Variants in OTOA observed in about 807,000 individuals in gnomAD.
OTOA encodes cancer/testis antigen 108.
A neutral mutation model predicts 110.8 loss-of-function variants in OTOA; 70 were observed. The ratio of observed to expected loss-of-function variants is 0.63; its 90% CI spans 0.52 to 0.77. The LOEUF is 0.77. OTOA is among the 30% of genes least tolerant of loss of function. The pLI is 0.00. For synonymous variants in OTOA, 373 were observed against 431.5 expected (o/e 0.86, Z 1.68); for missense variants, 917 against 1,075.8 (o/e 0.85, Z 2.06).
chr16:21,672,495 T>C (rs1480095214), intron 1 of OTOA, among the ~76,000 whole-genome samples: 1 of 151,832 alleles, frequency 6.6e-6, no homozygotes, highest in Non-Finnish European at 1.5e-5. Context: ...TGGTGGCGCA[T>C]GCCTGTTATC....
At chr16:21,750,183 A>G (rs201272629) in intron 24 of OTOA, among the ~76,000 whole-genome samples, 3,758 of 150,754 alleles carry the variant, frequency 0.025, no homozygotes, top group East Asian at 0.24. Context: ...GGGAGGCTGA[A>G]ACGGGCAGAT....
chr16:21,724,970 G>A (rs1898869452), intron 18 of OTOA, among the ~76,000 whole-genome samples: 1 of 151,908 alleles, frequency 6.6e-6, no homozygotes, highest in Non-Finnish European at 1.5e-5. Flanking sequence ...TAGAGACAGG[G>A]TTTCACCGTG....
rs1167205734 is a variant in OTOA at position 21,719,137 on chromosome 16, T to C, written c.1634T>C (p.Leu545Pro). The change falls in exon 16 of 29, where the codon CTG (leucine) becomes CCG (proline). Residue 545 changes from leucine to proline, a missense_variant. Physicochemically the swap from Leu to Pro is moderately conservative, Grantham distance 98. Coordinates refer to ENST00000646100, the MANE Select transcript of OTOA (RefSeq NM_144672.4). ...KDKELGRSQA[L>P]FLYELLLKTT... The stretch of plus-strand genomic sequence containing the variant: ...ACGATCATTCTCTTCTCGCAGGCTC[T>C]GTTCCTGTATGAGCTTCTGTTAAAG... 1 of 1,613,826 alleles carries C rather than the reference T, an allele frequency of 6.2e-7. No individual in the cohort carries two copies. The highest frequency in any genetic ancestry group is 1.1e-5 in the South Asian group (1 of 91,070).
At chr16:21,707,906 G>A (rs912452227) in intron 12 of OTOA, among the ~76,000 whole-genome samples, 1 of 150,814 alleles carries the variant, frequency 6.6e-6, no homozygotes. Context: ...GCAATTCTCT[G>A]CCTCAGCCTC....
chr16:21,684,626 G>T, intron 6 of OTOA: 1 of 1,225,596 alleles, frequency 8.2e-7, no homozygotes, highest in Non-Finnish European at 1.2e-6. Flanking sequence ...CCCTTGGCTT[G>T]CCAATTATTG....
In OTOA at chr16:21,715,116, C is replaced by T. The variant is rs1440067861; in HGVS notation, c.1452C>T (p.Asp484=). The T allele has an allele frequency of 6.2e-7, 1 of 1,614,218 alleles. No individual in the cohort carries two copies. Among genetic ancestry groups the T allele is most frequent in the South Asian group, 1.1e-5 (1 of 91,088 alleles). ...LRSAVSQYVS[D]LSPAQQQGIL... ...GTGCCGTCTCCCAGTATGTATCCGACTTGTCACCTGCCCAGCAGCAAGGTA... is the reference window on the plus strand; with the variant it reads ...GTGCCGTCTCCCAGTATGTATCCGATTTGTCACCTGCCCAGCAGCAAGGTA... Residue 484 remains aspartate (D), a synonymous_variant, in exon 14 of 29, where the codon GAC becomes GAT. Coordinates refer to ENST00000646100, the MANE Select transcript of OTOA (RefSeq NM_144672.4).
chr16:21,678,363 G>T (rs891939050), intron 1 of OTOA, 148 bp from the exon 2 acceptor site: 26 of 512,468 alleles, frequency 5.1e-5, no homozygotes, highest in Non-Finnish European at 3.3e-6. Context: ...AGACTTCAAG[G>T]GATTCTGGGT....
intron 27 of OTOA, among the ~76,000 whole-genome samples, chr16:21,756,859 G>A (rs1408001277): frequency 3.4e-5 from 5 of 145,656 alleles, no homozygotes; most frequent in African/African-American, 5.1e-5. Flanking sequence ...CAAGTCTGCC[G>A]GCTTTCCATT....
intron 9 of OTOA, among the ~76,000 whole-genome samples, chr16:21,695,891 ATTTT>A (rs386384450): frequency 1.9e-4 from 8 of 41,894 alleles, no homozygotes; most frequent in Non-Finnish European, 3.0e-4. Flanking sequence ...ATATATATAT[ATTTT>A]TTTTTTTTTT....
chr16:21,681,637 C>G, intron 5 of OTOA, 101 bp from the exon 6 acceptor site: 2 of 919,752 alleles, frequency 2.2e-6, no homozygotes, highest in South Asian at 2.7e-5. Flanking sequence ...TCCTAACACC[C>G]CTGGTCCATC....
chr16:21,708,876 G>A (rs1453064849), intron 12 of OTOA, among the ~76,000 whole-genome samples: 1 of 152,064 alleles, frequency 6.6e-6, no homozygotes, highest in Non-Finnish European at 1.5e-5. Flanking sequence ...CAGCTGTAAC[G>A]CACACTTTAC....
intron 7 of OTOA, among the ~76,000 whole-genome samples, chr16:21,686,624 G>T (rs982394236): frequency 6.6e-6 from 1 of 152,078 alleles, no homozygotes; most frequent in Non-Finnish European, 1.5e-5. Context: ...CCCCAGATGG[G>T]CTGGGCATGG....
chr16:21,698,243 C>T (rs1897984180), intron 10 of OTOA, among the ~76,000 whole-genome samples: 1 of 152,150 alleles, frequency 6.6e-6, no homozygotes, highest in Non-Finnish European at 1.5e-5. Flanking sequence ...TCCTTGGGAT[C>T]ATGAACTCAA....
At chr16:21,712,279 G>A (rs1290286594) in intron 13 of OTOA, among the ~76,000 whole-genome samples, 1 of 151,750 alleles carries the variant, frequency 6.6e-6, no homozygotes, top group Admixed American at 6.6e-5. Flanking sequence ...GCAGTGAGCC[G>A]AGATCATGCC....
At chr16:21,717,164 G>C (rs1898582463) in intron 15 of OTOA, 117 bp downstream of exon 15, 1 of 1,420,620 alleles carries the variant, frequency 7.0e-7, no homozygotes, top group African/African-American at 1.4e-5. Flanking sequence ...GATTAGTATA[G>C]GAGGCAGAAT....
rs1328560043 is a variant in OTOA, at chr16:21,726,597, A to T, written c.1955A>T (p.Asp652Val). The change falls in exon 19 of 29, where the codon GAC becomes GTC. Residue 652 changes from aspartate to valine, a missense_variant. Around this residue, in one of 6 missense-constraint regions of OTOA, gnomAD observed 840 missense variants for 910.2 expected, o/e 0.92. Transcript: ENST00000646100. The part of the protein sequence containing the change: ...FLISLGKSWL[D>V]SLVLDSHKKT... ...ATCAGCCTGGGGAAGAGCTGGTTGG[A>T]CTCCTTGGTTTTAGATTCCCACAAA... The T allele has an allele frequency of 1.2e-6, 2 of 1,613,556 alleles. No homozygotes were observed. The highest frequency in any genetic ancestry group is 1.1e-5 in the South Asian group (1 of 91,054).
At chr16:21,719,233 CA>C (rs1898650340) in intron 16 of OTOA, 42 bp downstream of exon 16, 1 of 1,609,864 alleles carries the variant, frequency 6.2e-7, no homozygotes, top group East Asian at 2.2e-5. Flanking sequence ...ACAGGCCTTT[CA>C]GAGCCTTCTG....
chr16:21,672,705 G>A (rs1003665263), intron 1 of OTOA, among the ~76,000 whole-genome samples: 4 of 151,794 alleles, frequency 2.6e-5, no homozygotes, highest in Non-Finnish European at 5.9e-5. Context: ...ATAATGTATG[G>A]TGATCAGTCA....
Position 21,695,866 on chromosome 16 carries a change from G to GATATATATATAT in OTOA, c.740-1894_740-1883dup, listed in dbSNP as rs71151648. Among the ~76,000 whole-genome samples, 157 of 72,660 alleles carry GATATATATATAT rather than the reference G, an allele frequency of 2.2e-3. 5 individuals are homozygous for GATATATATATAT. The highest frequency in any genetic ancestry group is 2.5e-3 in the East Asian group (5 of 2,012). 47.7% of individuals were successfully genotyped at this position (72,660 alleles called of 152,430 possible). A position where few individuals can be genotyped will look rare whatever the true frequency, so the allele number is the denominator to read the frequency against. ...ACTTGAAGTCTGATCCTAGACTTGA[G>GATATATATATAT]ATATATATATATATATATATATATA... On this transcript the variant is annotated intron_variant, in intron 9 of 28. Coordinates refer to ENST00000646100, the MANE Select transcript of OTOA (RefSeq NM_144672.4).
Sources: allele counts gnomAD v4.1 joint callset (sites outside exome capture counted in the v4.1 genomes callset), GRCh38; gene constraint gnomAD v4.1.1; regional missense constraint gnomAD v4.1.1; transcripts MANE v1.5; gene names NCBI Gene and HGNC (gene_info 2026-07-23, HGNC 2026-07-21).